The following ANOS1 variants were observed in gnomAD, a reference collection of about 807,000 sequenced individuals.
The protein encoded by ANOS1 is anosmin-1.
In ANOS1, 6 loss-of-function variants were observed where a neutral mutation model predicts 59.0. That is an observed-to-expected ratio of 0.10 (90% CI 0.06 to 0.20). The LOEUF (loss-of-function observed/expected upper bound fraction) is 0.20. ANOS1 is among the 10% of genes least tolerant of loss of function. ANOS1 has a pLI of 1.00. For synonymous variants in ANOS1, 217 were observed against 223.4 expected, an observed-to-expected ratio of 0.97 and a Z score of 0.25; for missense variants, 433 against 542.3, an observed-to-expected ratio of 0.80 and a Z score of 2.00.
chrX:8,663,212 C>T (rs6638852), intron 2 of ANOS1, among the ~76,000 whole-genome samples: 26,835 of 110,405 alleles, frequency 0.24, 2,442 homozygotes, highest in East Asian at 0.42. Flanking sequence ...GTTGTTTAAG[C>T]AAAGCTGTTT....
At position 8,532,839 on chromosome X, in the gene ANOS1, G is replaced by A. The variant is rs1222252336; in HGVS notation, c.*156C>T. 1.9e-5 allele frequency: 9 copies of A among 461,808 alleles called. No homozygotes were observed. The highest frequency in any genetic ancestry group is 1.9e-4 in the Admixed American group (6 of 32,420). 38.1% of individuals were successfully genotyped at this position (461,808 alleles called of 1,213,427 possible). On this transcript the variant is annotated 3_prime_UTR_variant, in exon 14 of 14. Transcript: ENST00000262648. The stretch of plus-strand genomic sequence containing the variant: ...CTGTTTCTCACTTGTCTCCAGATGC[G>A]TCCATGATTGACAGAAGTTCTTCCT...
intron 2 of ANOS1, among the ~76,000 whole-genome samples, chrX:8,664,302 T>C (rs1418147575): frequency 2.7e-5 from 3 of 111,518 alleles, no homozygotes; most frequent in African/African-American, 6.5e-5. Flanking sequence ...GCCATTCTCC[T>C]GCCTCAGCCT....
chrX:8,554,879 C>G (rs1342459832), intron 8 of ANOS1, among the ~76,000 whole-genome samples: 5 of 110,383 alleles, frequency 4.5e-5, no homozygotes, highest in African/African-American at 6.6e-5. Context: ...CCAAGTGCAC[C>G]TAATAGACAT....
intron 3 of ANOS1, among the ~76,000 whole-genome samples, chrX:8,611,376 G>A (rs769754638): frequency 2.7e-5 from 3 of 109,523 alleles, no homozygotes; most frequent in African/African-American, 9.9e-5. Flanking sequence ...GGTCTAATGT[G>A]TGTAATTAGA....
chrX:8,655,681 C>T (rs1401367409), intron 2 of ANOS1, among the ~76,000 whole-genome samples: 4 of 111,780 alleles, frequency 3.6e-5, no homozygotes, highest in Non-Finnish European at 5.6e-5. Context: ...CTCCTCCCCA[C>T]AGTGCAGCAA....
At chrX:8,588,073 C>T (rs753236970) in intron 4 of ANOS1, 95 bp from the exon 5 acceptor site, 1 of 785,654 alleles carries the variant, frequency 1.3e-6, no homozygotes, top group East Asian at 3.4e-5. Context: ...TGAATCTGAT[C>T]TGATGACAAC....
rs1034360927 is a variant in ANOS1, at chrX:8,624,441, T to C, written c.256-771A>G. 4.5e-4 allele frequency among the ~76,000 whole-genome samples: 50 copies of C among 112,252 alleles called. 1 individual carries two copies. The highest frequency in any genetic ancestry group is 1.5e-3 in the African/African-American group (45 of 30,963). On this transcript the variant is annotated intron_variant, in intron 2 of 13. Transcript: ENST00000262648. The stretch of plus-strand genomic sequence containing the variant: ...ACACTCTTCTACAAGTGAAAATGCA[T>C]TGTATTAAATTTATGTCTGTATGTA...
chrX:8,622,170 A>T (rs1258219223), intron 3 of ANOS1, among the ~76,000 whole-genome samples: 1 of 111,183 alleles, frequency 9.0e-6, no homozygotes, highest in Non-Finnish European at 1.9e-5. Flanking sequence ...GAGGGATCAA[A>T]ATCAAGGAGT....
chrX:8,630,124 T>C (rs939378273), intron 2 of ANOS1, among the ~76,000 whole-genome samples: 15 of 112,116 alleles, frequency 1.3e-4, no homozygotes, highest in African/African-American at 4.9e-4. Flanking sequence ...AATCATAAAA[T>C]AAACGAGTTA....
At position 8,529,896 on chromosome X, in the gene ANOS1, C is replaced by T. The variant is rs1487422777; in HGVS notation, c.*3099G>A. On this transcript the variant is annotated 3_prime_UTR_variant, in exon 14 of 14. Coordinates refer to ENST00000262648, the MANE Select transcript of ANOS1 (RefSeq NM_000216.4). ...ACCTACAGTGCACAAGACAAACCCC[C>T]ACAACAGAGAACTATCCAGCCCCAA... The T allele has an allele frequency of 9.0e-6, 1 of 111,463 alleles. No individual in the cohort carries two copies. Among genetic ancestry groups the T allele is most frequent in the Non-Finnish European group, 1.9e-5 (1 of 53,125 alleles). 9.2% of individuals were successfully genotyped at this position (111,463 alleles called of 1,213,427 possible).
intron 2 of ANOS1, among the ~76,000 whole-genome samples, chrX:8,696,032 A>G (rs1932680645): frequency 8.9e-6 from 1 of 112,314 alleles, no homozygotes; most frequent in Admixed American, 9.5e-5. Context: ...GTGAAATAAC[A>G]GTAACTTAAG....
In ANOS1 at chrX:8,536,213, TTTTA is replaced by T. The variant is rs1331247223; in HGVS notation, c.1622-406_1622-403del. 3.9e-4 allele frequency among the ~76,000 whole-genome samples: 30 copies of T among 76,338 alleles called. 1 individual carries two copies. The highest frequency in any genetic ancestry group is 7.2e-4 in the East Asian group (2 of 2,759). The allele number at this position is 76,338 out of a possible 115,157, so 66.3% of individuals were successfully genotyped here. A position where few individuals can be genotyped will look rare whatever the true frequency, so the allele number is the denominator to read the frequency against. ...CTTTTTTTTTTTTTTTTTTTTTTTT[TTTTA>T]AAAGGTGAGATCTTGCTATGTTGCC... is the stretch of plus-strand genomic sequence containing the variant. On this transcript the variant is annotated intron_variant, in intron 11 of 13. Transcript: ENST00000262648.
In ANOS1 at chrX:8,663,031, TA is replaced by T. The variant is rs780293793; in HGVS notation, c.255+36666del. On this transcript the variant is annotated intron_variant, in intron 2 of 13. Coordinates refer to ENST00000262648, the MANE Select transcript of ANOS1 (RefSeq NM_000216.4). Reference sequence around the variant, plus strand: ...CTCTGTCTCAAAATAAATAAATAAATAAAATAAAATAAAATAAAATAAAGAT... The same window carrying T: ...CTCTGTCTCAAAATAAATAAATAAATAAATAAAATAAAATAAAATAAAGAT... Among the ~76,000 whole-genome samples, 441 of 108,861 alleles carry T rather than the reference TA, an allele frequency of 4.1e-3. 3 individuals carry two copies. Among genetic ancestry groups the T allele is most frequent in the African/African-American group, 0.014 (414 of 29,875 alleles). The allele number at this position is 108,861 out of a possible 115,157, so 94.5% of individuals were successfully genotyped here.
intron 6 of ANOS1, among the ~76,000 whole-genome samples, chrX:8,581,780 T>C (rs1930429358): frequency 8.9e-6 from 1 of 111,946 alleles, no homozygotes; most frequent in Admixed American, 9.5e-5. Context: ...AATATGTAAC[T>C]TCCATACCAT....
At chrX:8,710,367 G>C (rs924134392) in intron 1 of ANOS1, among the ~76,000 whole-genome samples, 3 of 111,687 alleles carry the variant, frequency 2.7e-5, no homozygotes, top group African/African-American at 9.8e-5. Context: ...TTCATCAATG[G>C]GCATTCCGGT....
At chrX:8,591,431 T>C (rs971994254) in intron 4 of ANOS1, among the ~76,000 whole-genome samples, 2 of 111,319 alleles carry the variant, frequency 1.8e-5, no homozygotes, top group South Asian at 3.9e-4. Context: ...AGAGTAAATA[T>C]AGCTACAGTA....
At chrX:8,635,400 A>G (rs1247081117) in intron 2 of ANOS1, among the ~76,000 whole-genome samples, 1 of 112,022 alleles carries the variant, frequency 8.9e-6, no homozygotes, top group Non-Finnish European at 1.9e-5. Context: ...CAGCAGAATC[A>G]GTCTGTGTTT....
At chrX:8,704,414 G>A (rs1163216700) in intron 1 of ANOS1, among the ~76,000 whole-genome samples, 1 of 111,341 alleles carries the variant, frequency 9.0e-6, no homozygotes, top group Non-Finnish European at 1.9e-5. Flanking sequence ...CTCCTGCCCT[G>A]CCCCACACCA....
rs767812487 is a variant in ANOS1 at position 8,594,658 on chromosome X, GTATATATATATATATATATA to G, written c.541+2356_541+2375del. 7.7e-4 allele frequency among the ~76,000 whole-genome samples: 26 copies of G among 33,554 alleles called. No individual in the cohort carries two copies. In the East Asian group the frequency reaches 0.012, roughly 15 times the overall value. The allele number at this position is 33,554 out of a possible 115,157, so 29.1% of individuals were successfully genotyped here. A position where few individuals can be genotyped will look rare whatever the true frequency, so the allele number is the denominator to read the frequency against. On this transcript the variant is annotated intron_variant, in intron 4 of 13. Coordinates refer to ENST00000262648, the MANE Select transcript of ANOS1 (RefSeq NM_000216.4). Reference sequence around the variant, plus strand: ...AAAAAATCTACATATATATATATGTGTATATATATATATATATATATATATATATATATATATATACACAT... The same window carrying G: ...AAAAAATCTACATATATATATATGTGTATATATATATATATATATACACAT...
Sources: gnomAD v4.1 joint callset for allele counts (sites outside exome capture counted in the v4.1 genomes callset) on GRCh38, gnomAD v4.1.1 for gene constraint, MANE v1.5 for transcripts, NCBI Gene and HGNC (gene_info 2026-07-23, HGNC 2026-07-21) for gene names.